The following FRRS1 variants were observed in gnomAD, a reference collection of about 807,000 sequenced individuals.
FRRS1 encodes ferric chelate reductase 1.
FRRS1 carries 51 observed loss-of-function variants against 70.7 expected under a neutral mutation model. The ratio of observed to expected loss-of-function variants is 0.72; its 90% CI spans 0.58 to 0.91. The LOEUF is 0.91. Ranked by LOEUF, FRRS1 falls within the 40% of genes least tolerant of loss-of-function variation. The pLI, the probability that FRRS1 is intolerant of heterozygous loss-of-function variation, is 0.00. For synonymous variants in FRRS1, 225 were observed against 238.7 expected, an observed-to-expected ratio of 0.94 and a Z score of 0.53; for missense variants, 672 against 726.0, an observed-to-expected ratio of 0.93 and a Z score of 0.86.
At position 99,748,897 on chromosome 1, in the gene FRRS1, C is replaced by G; in HGVS notation, c.-1G>C. 1.6e-6 allele frequency: 1 copy of G among 619,974 alleles called. No individual in the cohort carries two copies. The highest frequency in any genetic ancestry group is 4.5e-4 in the Middle Eastern group (1 of 2,228). The allele number at this position is 619,974 out of a possible 1,614,324, so 38.4% of individuals were successfully genotyped here. ...TCAGCAAACCATATTCTCAACATAC[C>G]TGATAAAAAGAATGTGATATGTGAA... On this transcript the variant is annotated splice_region_variant and 5_prime_UTR_variant, in exon 2 of 17. Transcript: ENST00000646001.
In FRRS1 at chr1:99,740,769, A is replaced by C. The variant is rs748635236; in HGVS notation, c.576+24T>G. On this transcript the variant is annotated intron_variant, in intron 6 of 16. Transcript: ENST00000646001. ...CAACATGGTGAAACCCCATCTCTAC[A>C]GAGAAAATAAAATTGTTACTTACTG... 15 of 1,555,170 alleles carry C rather than the reference A, an allele frequency of 9.6e-6. No homozygotes were observed. The Admixed American group carries it at 2.5e-4, about 26-fold the overall frequency.
chr1:99,745,428 A>T (rs4908014), intron 4 of FRRS1, among the ~76,000 whole-genome samples: 75,144 of 152,016 alleles, frequency 0.49, 22,583 homozygotes, highest in African/African-American at 0.85. Context: ...TCATGCATGT[A>T]ATCCCAGTGC....
In FRRS1 at chr1:99,748,689, T is replaced by C. The variant is rs1656411121; in HGVS notation, c.80A>G (p.Lys27Arg). The C allele has an allele frequency of 1.2e-6, 2 of 1,613,920 alleles. No individual in the cohort carries two copies. The highest frequency in any genetic ancestry group is 1.3e-5 in the African/African-American group (1 of 74,926). The change falls in exon 3 of 17, where the codon AAA becomes AGA. Residue 27 changes from lysine (K) to arginine (R), a missense_variant. Transcript: ENST00000646001. ...CATTCCATGGCATGACTGTGTTACTTTTCCATTGGGATAATTAGCCACATA... is the reference window on the plus strand; with the variant it reads ...CATTCCATGGCATGACTGTGTTACTCTTCCATTGGGATAATTAGCCACATA... ...ISYVANYPNGKVTQSCHGMIP... is the reference protein window; with the variant it reads ...ISYVANYPNGRVTQSCHGMIP...
intron 1 of FRRS1, among the ~76,000 whole-genome samples, chr1:99,755,963 A>G (rs569941349): frequency 1.5e-3 from 228 of 152,300 alleles, no homozygotes; most frequent in African/African-American, 5.2e-3. Context: ...TATAATAGCT[A>G]ATTATGGTTT....
At chr1:99,719,719 C>T (rs774693692) in intron 9 of FRRS1, 72 bp from the exon 10 acceptor site, 44 of 837,332 alleles carry the variant, frequency 5.3e-5, no homozygotes, top group Non-Finnish European at 7.1e-5. Flanking sequence ...AATTGAGATA[C>T]GGGCAGGGCA....
At chr1:99,710,784 C>A (rs371322833) in intron 15 of FRRS1, 22 bp downstream of exon 15, 24 of 1,608,170 alleles carry the variant, frequency 1.5e-5, no homozygotes, top group Non-Finnish European at 2.0e-5. Context: ...TTCTACATAA[C>A]ATGGCTTTTT....
intron 1 of FRRS1, among the ~76,000 whole-genome samples, chr1:99,761,130 TG>T (rs1199949859): frequency 6.7e-6 from 1 of 148,400 alleles, no homozygotes; most frequent in East Asian, 2.0e-4. Context: ...AATTTTGTTT[TG>T]GGGGGGTGGG....
rs1008879515 is a variant in FRRS1 at position 99,708,314 on chromosome 1, C to T, written c.*714G>A. 7.9e-5 allele frequency among the ~76,000 whole-genome samples: 12 copies of T among 151,832 alleles called. No individual in the cohort carries two copies. Among genetic ancestry groups the T allele is most frequent in the Non-Finnish European group, 4.4e-5 (3 of 67,938 alleles). ...CCTTTGTAGTTCAAAATATATTTAC[C>T]ATAGGCTGGGCGTGGTGGCTCACGC... is the stretch of plus-strand genomic sequence containing the variant. On this transcript the variant is annotated 3_prime_UTR_variant, in exon 17 of 17. Coordinates refer to ENST00000646001, the MANE Select transcript of FRRS1 (RefSeq NM_001361041.2).
chr1:99,739,205 A>T (rs556257830), intron 6 of FRRS1, among the ~76,000 whole-genome samples: 109 of 152,314 alleles, frequency 7.2e-4, no homozygotes, highest in African/African-American at 2.5e-3. Context: ...TAAGAAATAG[A>T]CCCTGAGGTA....
chr1:99,748,868 G>A (rs908197701), intron 2 of FRRS1, 29 bp downstream of exon 2: 44 of 817,666 alleles, frequency 5.4e-5, no homozygotes, highest in Non-Finnish European at 7.4e-5. Context: ...CTTGCTTTCT[G>A]TGTTCAGCAA....
At chr1:99,735,303 A>G (rs940226169) in intron 7 of FRRS1, among the ~76,000 whole-genome samples, 2 of 152,232 alleles carry the variant, frequency 1.3e-5, no homozygotes, top group African/African-American at 4.8e-5. Context: ...TTAGCAAGTC[A>G]TTATTATCAG....
rs761299777 is a variant in FRRS1 at position 99,719,621 on chromosome 1, G to T, written c.1033C>A (p.Pro345Thr). The change falls in exon 10 of 17, where the codon CCT (proline) becomes ACT (threonine). Residue 345 changes from proline (P) to threonine (T), a missense_variant. Coordinates refer to ENST00000646001, the MANE Select transcript of FRRS1 (RefSeq NM_001361041.2). ...TCATATTTTTCATAGGTAATCAAAG[G>T]TTGCTGAGAGTGCTTGTAAATTCGA... ...DGRIYKHSQQ[P>T]LITYEKYDVT... The T allele has an allele frequency of 2.5e-5, 40 of 1,605,378 alleles. 1 individual carries two copies. In the Admixed American group the frequency reaches 5.9e-4, roughly 24 times the overall value.
Position 99,710,756 on chromosome 1 carries a change from T to C in FRRS1, c.1624+50A>G, listed in dbSNP as rs1218858397. On this transcript the variant is annotated intron_variant, in intron 15 of 16. Transcript: ENST00000646001. ...TATCGGGAAGCGCATTCTTTTCCAA[T>C]GGTTTGTATAGAAGTGCTTCTACAT... is the stretch of plus-strand genomic sequence containing the variant. 3.3e-6 allele frequency: 5 copies of C among 1,535,580 alleles called. No individual in the cohort carries two copies. The African/African-American group carries it at 6.8e-5, about 21-fold the overall frequency.
At chr1:99,750,855 GATAA>G (rs1314606170) in intron 1 of FRRS1, among the ~76,000 whole-genome samples, 1 of 151,950 alleles carries the variant, frequency 6.6e-6, no homozygotes, top group African/African-American at 2.4e-5. Context: ...TACCAAGTAG[GATAA>G]ATAAATAAAT....
chr1:99,713,343 G>T lies in FRRS1; in HGVS notation c.1324-828C>A, dbSNP rs77374632. 4.4e-3 allele frequency among the ~76,000 whole-genome samples: 671 copies of T among 152,308 alleles called. 6 individuals are homozygous for T. Among genetic ancestry groups the T allele is most frequent in the African/African-American group, 0.015 (641 of 41,562 alleles). On this transcript the variant is annotated intron_variant, in intron 12 of 16. Transcript: ENST00000646001. ...CTTTGTTCTATCGTATTCATAAATT[G>T]CAAAGGCTATAAACTAGACAATTAC...
chr1:99,722,483 T>C (rs1393657910), intron 9 of FRRS1, among the ~76,000 whole-genome samples: 2 of 151,962 alleles, frequency 1.3e-5, no homozygotes, highest in African/African-American at 4.8e-5. Context: ...TTAAAGAAAA[T>C]ATTAGTAAAT....
rs774476492 is a variant in FRRS1, at chr1:99,717,407, T to C, written c.1236+3A>G. On this transcript the variant is annotated splice_donor_region_variant and intron_variant, in intron 11 of 16. Coordinates refer to ENST00000646001, the MANE Select transcript of FRRS1 (RefSeq NM_001361041.2). ...TTGCATTGAACTTTTTTCCCTCACC[T>C]ACCTGAAACCAAGCTGCTTCACCAA... 6 of 1,604,888 alleles carry C rather than the reference T, an allele frequency of 3.7e-6. No individual in the cohort carries two copies. The Admixed American group carries it at 1.0e-4, about 27-fold the overall frequency.
chr1:99,747,196 G>T, intron 4 of FRRS1, 98 bp downstream of exon 4: 1 of 859,244 alleles, frequency 1.2e-6, no homozygotes, highest in East Asian at 2.5e-5. Context: ...TTAAGTCTGG[G>T]GGGAGTCAAA....
Position 99,708,124 on chromosome 1 carries a change from C to T in FRRS1, c.*904G>A, listed in dbSNP as rs1476637532. On this transcript the variant is annotated 3_prime_UTR_variant, in exon 17 of 17. Coordinates refer to ENST00000646001, the MANE Select transcript of FRRS1 (RefSeq NM_001361041.2). ...ATAATATATTTAAATGCTGGTAAAA[C>T]CTACAATGGCATCTGCTTCACTTCT... Among the ~76,000 whole-genome samples, 1 of 152,092 alleles carries T rather than the reference C, an allele frequency of 6.6e-6. No homozygotes were observed. Among genetic ancestry groups the T allele is most frequent in the Non-Finnish European group, 1.5e-5 (1 of 68,004 alleles).
Sources: gnomAD v4.1 joint callset for allele counts (sites outside exome capture counted in the v4.1 genomes callset) on GRCh38, gnomAD v4.1.1 for gene constraint, MANE v1.5 for transcripts, NCBI Gene and HGNC (gene_info 2026-07-23, HGNC 2026-07-21) for gene names.